PPP2R2B: variants seen among roughly 807,000 people sequenced by gnomAD.
PPP2R2B encodes the protein protein phosphatase 2 regulatory subunit Bbeta, also known as serine/threonine-protein phosphatase 2A 55 kDa regulatory subunit B beta isoform.
Under a neutral mutation model 46.0 loss-of-function variants are expected in PPP2R2B, and 5 were observed. That is an observed-to-expected ratio of 0.11 (90% CI 0.06 to 0.23). The LOEUF (loss-of-function observed/expected upper bound fraction) is 0.23, where lower values mean the gene tolerates loss of function less well. PPP2R2B is among the 10% of genes least tolerant of loss of function. The probability of loss-of-function intolerance (pLI) is 1.00; values close to 1 mark genes in which losing one functional copy is unlikely to be tolerated. For missense variants in PPP2R2B, 367 were observed against 575.0 expected (o/e 0.64, Z 3.70); for synonymous variants, 215 against 206.7 (o/e 1.04, Z -0.34).
At chr5:146,990,538 A>G (rs1389922018) in intron 1 of PPP2R2B, among the ~76,000 whole-genome samples, 2 of 152,248 alleles carry the variant, frequency 1.3e-5, no homozygotes, top group East Asian at 3.9e-4. Context: ...GAAACTAGGT[A>G]CTTATTTTTC....
intron 1 of PPP2R2B, among the ~76,000 whole-genome samples, chr5:146,975,606 A>G (rs918490617): frequency 2.0e-5 from 3 of 152,216 alleles, no homozygotes; most frequent in Admixed American, 6.5e-5. Context: ...TGGTTTCACC[A>G]CTACAGTGCA....
chr5:147,025,328 C>A (rs1755474813), intron 1 of PPP2R2B, among the ~76,000 whole-genome samples: 2 of 151,632 alleles, frequency 1.3e-5, no homozygotes, highest in Admixed American at 6.6e-5. Flanking sequence ...ATAATAAATT[C>A]CTTCAAATAT....
intron 1 of PPP2R2B, among the ~76,000 whole-genome samples, chr5:147,027,634 C>CAAAAAA (rs10636778): frequency 2.4e-5 from 3 of 125,286 alleles, no homozygotes; most frequent in Non-Finnish European, 5.0e-5. Flanking sequence ...GACTCGGTCT[C>CAAAAAA]AAAAAAAAAA....
intron 7 of PPP2R2B, among the ~76,000 whole-genome samples, chr5:146,606,219 A>T (rs573394898): frequency 2.0e-5 from 3 of 152,320 alleles, no homozygotes; most frequent in South Asian, 2.1e-4. Context: ...CCACAGGTGC[A>T]GGCTGTTGCT....
rs375891325 is a variant in PPP2R2B at position 146,877,630 on chromosome 5, G to A, written c.70+372C>T. On this transcript the variant is annotated intron_variant, in intron 2 of 9. Transcript: ENST00000394411. ...ATAACATCGTTTCGCTCAGGGAGGG[G>A]GGACCAAGGTCCTACTGGGCCCCTC... Among the ~76,000 whole-genome samples the A allele has an allele frequency of 5.9e-5, 9 of 152,030 alleles. No individual in the cohort carries two copies. In the East Asian group the frequency reaches 1.7e-3, roughly 29 times the overall value.
chr5:146,838,694 G>A (rs1473364727), intron 2 of PPP2R2B, among the ~76,000 whole-genome samples: 1 of 152,134 alleles, frequency 6.6e-6, no homozygotes, highest in Non-Finnish European at 1.5e-5. Context: ...AGCTACACAA[G>A]TGAGTTAAGA....
intron 5 of PPP2R2B, among the ~76,000 whole-genome samples, chr5:146,666,612 A>C (rs1776993231): frequency 1.3e-5 from 2 of 152,198 alleles, no homozygotes; most frequent in Admixed American, 6.6e-5. Context: ...TTTGCACAAC[A>C]GCACTTCAGA....
rs780379977 is a variant in PPP2R2B at position 146,588,992 on chromosome 5, G to GACTC, written c.*951_*954dup. 5.9e-5 allele frequency: 9 copies of GACTC among 152,316 alleles called. No individual in the cohort carries two copies. Among genetic ancestry groups the GACTC allele is most frequent in the African/African-American group, 2.4e-5 (1 of 41,536 alleles). The allele number at this position is 152,316 out of a possible 1,614,324, so 9.4% of individuals were successfully genotyped here. A position where few individuals can be genotyped will look rare whatever the true frequency, so the allele number is the denominator to read the frequency against. On this transcript the variant is annotated 3_prime_UTR_variant, in exon 10 of 10. Transcript: ENST00000394411. ...AAAGAACAGACCAGCCTTTCTCAGG[G>GACTC]ACTCAGGGGTGGTGGCACTGCTTCC... is the stretch of plus-strand genomic sequence containing the variant.
chr5:146,952,217 T>C (rs1386855221), intron 1 of PPP2R2B, among the ~76,000 whole-genome samples: 1 of 152,086 alleles, frequency 6.6e-6, no homozygotes, highest in Non-Finnish European at 1.5e-5. Context: ...AATCCTTTTT[T>C]TGGGATGACC....
At chr5:146,723,844 C>A (rs529039011) in intron 2 of PPP2R2B, among the ~76,000 whole-genome samples, 1 of 152,138 alleles carries the variant, frequency 6.6e-6, no homozygotes, top group Non-Finnish European at 1.5e-5. Flanking sequence ...GCTCCTCCCC[C>A]TCTTGGAGGG....
At chr5:146,702,904 C>T (rs1042357197) in intron 2 of PPP2R2B, among the ~76,000 whole-genome samples, 2 of 152,122 alleles carry the variant, frequency 1.3e-5, no homozygotes, top group African/African-American at 4.8e-5. Flanking sequence ...TTACTAAGTT[C>T]CAGATGTAAG....
At chr5:146,728,335 C>A (rs910605236) in intron 2 of PPP2R2B, among the ~76,000 whole-genome samples, 23 of 151,896 alleles carry the variant, frequency 1.5e-4, no homozygotes, top group African/African-American at 5.6e-4. Context: ...TAAATAAGAC[C>A]TTTTCCCCAT....
intron 1 of PPP2R2B, among the ~76,000 whole-genome samples, chr5:147,010,101 A>G (rs1393876352): frequency 6.6e-6 from 1 of 152,164 alleles, no homozygotes; most frequent in East Asian, 1.9e-4. Context: ...AGGAATTTCC[A>G]ATTTTTGTGG....
At chr5:146,745,722 G>A (rs1753149451) in intron 2 of PPP2R2B, among the ~76,000 whole-genome samples, 1 of 152,164 alleles carries the variant, frequency 6.6e-6, no homozygotes, top group Non-Finnish European at 1.5e-5. Context: ...CACTTTGGGA[G>A]GCCAAGGTGG....
chr5:146,799,694 A>C (rs1756750904), intron 2 of PPP2R2B, among the ~76,000 whole-genome samples: 1 of 152,212 alleles, frequency 6.6e-6, no homozygotes, highest in South Asian at 2.1e-4. Context: ...AAATCTGCCA[A>C]AGCTATATAG....
chr5:146,745,770 C>A (rs977720449), intron 2 of PPP2R2B, among the ~76,000 whole-genome samples: 2 of 152,158 alleles, frequency 1.3e-5, no homozygotes, highest in Non-Finnish European at 2.9e-5. Context: ...GCAGCCTGGA[C>A]AACATGGTGA....
At position 146,586,572 on chromosome 5, in the gene PPP2R2B, T is replaced by C. The variant is rs1026137317; in HGVS notation, c.*3375A>G. ...TCAAAGGAAGTTTAGTGGAGATAGCTGACTTATTTCATTGGGCCACTGAGC... is the reference window on the plus strand; with the variant it reads ...TCAAAGGAAGTTTAGTGGAGATAGCCGACTTATTTCATTGGGCCACTGAGC... On this transcript the variant is annotated 3_prime_UTR_variant, in exon 10 of 10. Coordinates refer to ENST00000394411, the MANE Select transcript of PPP2R2B (RefSeq NM_181675.4). 16 of 152,226 alleles carry C rather than the reference T, an allele frequency of 1.1e-4. No homozygotes were observed. The highest frequency in any genetic ancestry group is 3.6e-4 in the African/African-American group (15 of 41,456). The allele number at this position is 152,226 out of a possible 1,614,324, so 9.4% of individuals were successfully genotyped here.
intron 8 of PPP2R2B, among the ~76,000 whole-genome samples, chr5:146,597,543 A>C (rs1771300618): frequency 6.6e-6 from 1 of 152,194 alleles, no homozygotes; most frequent in South Asian, 2.1e-4. Flanking sequence ...CTCATTTGGC[A>C]AAACTCCATC....
At chr5:146,714,588 A>G (rs867437883) in intron 2 of PPP2R2B, among the ~76,000 whole-genome samples, 1 of 152,212 alleles carries the variant, frequency 6.6e-6, no homozygotes, top group Non-Finnish European at 1.5e-5. Flanking sequence ...CAGGCCAGGA[A>G]TGAGGACTGG....
Sources: allele counts gnomAD v4.1 joint callset (sites outside exome capture counted in the v4.1 genomes callset), GRCh38; gene constraint gnomAD v4.1.1; transcripts MANE v1.5; gene names NCBI Gene and HGNC (gene_info 2026-07-23, HGNC 2026-07-21).